The following GRM8 variants were observed in gnomAD, a reference collection of about 807,000 sequenced individuals.
GRM8 encodes the protein glutamate metabotropic receptor 8.
GRM8 carries 47 observed loss-of-function variants against 87.2 expected under a neutral mutation model. The observed-to-expected ratio is 0.54, with a 90% CI of 0.43 to 0.69. GRM8 has a LOEUF of 0.69. Among genes scored for constraint, GRM8 ranks in the 30% least tolerant of loss-of-function variants. The pLI is 0.00. For synonymous variants in GRM8, 396 were observed against 404.5 expected (o/e 0.98, Z 0.25); for missense variants, 1,019 against 1,139.2 (o/e 0.89, Z 1.52).
intron 2 of GRM8, among the ~76,000 whole-genome samples, chr7:127,108,354 C>T (rs1826010664): frequency 6.6e-6 from 1 of 152,110 alleles, no homozygotes; most frequent in African/African-American, 2.4e-5. Flanking sequence ...TCCCAAATAT[C>T]AAAAGTATGT....
chr7:127,054,754 G>C (rs1448845441), intron 3 of GRM8, among the ~76,000 whole-genome samples: 1 of 152,030 alleles, frequency 6.6e-6, no homozygotes, highest in Non-Finnish European at 1.5e-5. Flanking sequence ...AAAATGTTAA[G>C]ACAAAAACAC....
At chr7:127,093,616 G>C (rs190522024) in intron 3 of GRM8, among the ~76,000 whole-genome samples, 9 of 152,332 alleles carry the variant, frequency 5.9e-5, no homozygotes, top group Admixed American at 5.2e-4. Context: ...TGCTACAAGA[G>C]AGATTATTTT....
intron 3 of GRM8, among the ~76,000 whole-genome samples, chr7:126,937,917 G>C (rs1806506641): frequency 6.6e-6 from 1 of 152,122 alleles, no homozygotes; most frequent in Non-Finnish European, 1.5e-5. Flanking sequence ...CTCTACGTGG[G>C]ATGAAGGGTA....
At chr7:126,693,512 T>G (rs182953760) in intron 7 of GRM8, among the ~76,000 whole-genome samples, 2 of 152,284 alleles carry the variant, frequency 1.3e-5, no homozygotes, top group East Asian at 3.9e-4. Flanking sequence ...TCTCATTTTG[T>G]TAAATTATTA....
At position 127,215,495 on chromosome 7, in the gene GRM8, C is replaced by T. The variant is rs114669579; in HGVS notation, c.510+27200G>A. Among the ~76,000 whole-genome samples, 1,053 of 152,168 alleles carry T rather than the reference C, an allele frequency of 6.9e-3. 15 individuals carry two copies. Among genetic ancestry groups the T allele is most frequent in the African/African-American group, 0.024 (1,000 of 41,482 alleles). ...ATCTCCCATTCCACAATGCACCCCT[C>T]CCTACTCATCCCTGTTGTATGGCAA... On this transcript the variant is annotated intron_variant, in intron 2 of 10. Coordinates refer to ENST00000339582, the MANE Select transcript of GRM8 (RefSeq NM_000845.3).
At chr7:126,498,844 G>C (rs148026981) in intron 9 of GRM8, among the ~76,000 whole-genome samples, 1 of 151,870 alleles carries the variant, frequency 6.6e-6, no homozygotes, top group Non-Finnish European at 1.5e-5. Context: ...CATAAATTAC[G>C]TATTTATCTT....
chr7:126,730,941 T>C (rs902213674), intron 7 of GRM8, among the ~76,000 whole-genome samples: 3 of 152,144 alleles, frequency 2.0e-5, no homozygotes, highest in Admixed American at 2.0e-4. Context: ...ATCTCTTTTC[T>C]CGAATATAAT....
chr7:126,736,858 T>C (rs962504970), intron 7 of GRM8, among the ~76,000 whole-genome samples: 3 of 151,996 alleles, frequency 2.0e-5, no homozygotes, highest in South Asian at 4.1e-4. Flanking sequence ...TAAAATACAG[T>C]CTTTCTCATT....
chr7:127,136,570 T>A (rs1490949574), intron 2 of GRM8, among the ~76,000 whole-genome samples: 1 of 152,032 alleles, frequency 6.6e-6, no homozygotes, highest in African/African-American at 2.4e-5. Flanking sequence ...TGAAGGGATA[T>A]ATTTTTTTAT....
intron 3 of GRM8, among the ~76,000 whole-genome samples, chr7:126,974,230 C>G (rs748896610): frequency 2.0e-5 from 3 of 152,050 alleles, no homozygotes; most frequent in African/African-American, 4.8e-5. Flanking sequence ...GAAAAAGGCC[C>G]AAATCTGAAA....
intron 7 of GRM8, among the ~76,000 whole-genome samples, chr7:126,712,946 A>T (rs963151006): frequency 6.6e-6 from 1 of 152,174 alleles, no homozygotes; most frequent in Non-Finnish European, 1.5e-5. Flanking sequence ...TCAGGAAAAC[A>T]GACGCTGGTG....
intron 6 of GRM8, among the ~76,000 whole-genome samples, chr7:126,824,451 A>G (rs1181871232): frequency 1.3e-5 from 2 of 152,232 alleles, no homozygotes; most frequent in Non-Finnish European, 2.9e-5. Flanking sequence ...AGTGTCTAAT[A>G]ATGGCAGGTT....
chr7:127,250,967 C>G (rs544459787), intron 1 of GRM8: 1 of 152,236 alleles, frequency 6.6e-6, no homozygotes, highest in Non-Finnish European at 1.5e-5. Context: ...TTTTCCAGTT[C>G]TGTCAGTTGG....
chr7:126,736,641 G>A lies in GRM8; in HGVS notation c.1357+33224C>T, dbSNP rs531606826. Among the ~76,000 whole-genome samples the A allele has an allele frequency of 8.5e-5, 13 of 152,086 alleles. No homozygotes were observed. The South Asian group carries it at 1.7e-3, about 19-fold the overall frequency. ...TACTGTATTTCCTCTGAGGCTACAC[G>A]ATGCCAAGACAGCTTAATAGAAATG... is the stretch of plus-strand genomic sequence containing the variant. On this transcript the variant is annotated intron_variant, in intron 7 of 10. Coordinates refer to ENST00000339582, the MANE Select transcript of GRM8 (RefSeq NM_000845.3).
intron 7 of GRM8, among the ~76,000 whole-genome samples, chr7:126,718,068 T>TA (rs907370678): frequency 3.7e-4 from 55 of 148,148 alleles, no homozygotes; most frequent in South Asian, 1.5e-3. Context: ...CCGTCTCTAC[T>TA]AAAAAAAAAA....
In GRM8 at chr7:126,542,567, T is replaced by C. The variant is rs190601095; in HGVS notation, c.1495-8680A>G. ...GAAGACAAAGAAAGGCATTTCAGGT[T>C]GGATGAATCCTATAAGCAAATGTAC... is the stretch of plus-strand genomic sequence containing the variant. On this transcript the variant is annotated intron_variant, in intron 8 of 10. Coordinates refer to ENST00000339582, the MANE Select transcript of GRM8 (RefSeq NM_000845.3). Among the ~76,000 whole-genome samples, 68 of 152,332 alleles carry C rather than the reference T, an allele frequency of 4.5e-4. 1 individual carries two copies. The highest frequency in any genetic ancestry group is 4.1e-3 in the Admixed American group (63 of 15,298).
At chr7:126,849,954 C>T (rs1029650565) in intron 6 of GRM8, among the ~76,000 whole-genome samples, 16 of 152,178 alleles carry the variant, frequency 1.1e-4, no homozygotes, top group Admixed American at 7.2e-4. Context: ...TAGAAAAGTG[C>T]TGTTTCTCCC....
At chr7:127,207,851 A>G (rs900371079) in intron 2 of GRM8, among the ~76,000 whole-genome samples, 3 of 152,204 alleles carry the variant, frequency 2.0e-5, no homozygotes, top group African/African-American at 7.2e-5. Context: ...AAGATTGCCT[A>G]AGGCCATGCC....
intron 6 of GRM8, among the ~76,000 whole-genome samples, chr7:126,829,720 T>G (rs1419971881): frequency 6.6e-6 from 1 of 152,182 alleles, no homozygotes; most frequent in East Asian, 1.9e-4. Flanking sequence ...TTAATATTGT[T>G]ATATGTGAAT....
Sources: allele counts gnomAD v4.1 joint callset (sites outside exome capture counted in the v4.1 genomes callset), GRCh38; gene constraint gnomAD v4.1.1; transcripts MANE v1.5; gene names NCBI Gene and HGNC (gene_info 2026-07-23, HGNC 2026-07-21).